Variants in PDCD6 observed in about 807,000 individuals in gnomAD.
The protein encoded by PDCD6 is programmed cell death protein 6.
A neutral mutation model predicts 28.3 loss-of-function variants in PDCD6; 12 were observed. The observed-to-expected ratio is 0.42, with a 90% confidence interval of 0.27 to 0.69. The LOEUF (loss-of-function observed/expected upper bound fraction) is 0.69. Among genes scored for constraint, PDCD6 ranks in the 30% least tolerant of loss-of-function variants. The pLI is 0.22. For missense variants in PDCD6, 226 were observed against 269.9 expected (o/e 0.84, Z 1.14); for synonymous variants, 92 against 108.0 (o/e 0.85, Z 0.92).
At chr5:275,957 G>A (rs1483771502) in intron 2 of PDCD6, 11 of 1,268,384 alleles carry the variant, frequency 8.7e-6, no homozygotes, top group Non-Finnish European at 1.1e-5. Flanking sequence ...AGATGCCCTT[G>A]TCCTCCACCC....
At position 297,615 on chromosome 5, in the gene PDCD6, G is replaced by A. The variant is rs200147879; in HGVS notation, c.164-6562G>A. On this transcript the variant is annotated intron_variant, in intron 2 of 5. Transcript: ENST00000264933. ...AAAGCAATCGAGGAATTCCACACTT[G>A]CTGGGGGCTTCCTTGCACCTGTGCC... Among the ~76,000 whole-genome samples, 67 of 152,284 alleles carry A rather than the reference G, an allele frequency of 4.4e-4. No individual in the cohort carries two copies. In the East Asian group the frequency reaches 0.012, roughly 26 times the overall value.
intron 2 of PDCD6, among the ~76,000 whole-genome samples, chr5:301,010 G>A (rs1275112527): frequency 1.3e-5 from 2 of 152,192 alleles, no homozygotes; most frequent in African/African-American, 2.4e-5. Flanking sequence ...TTAACATCTC[G>A]CTTGTGTTTT....
intron 2 of PDCD6, chr5:276,921 C>T (rs1287350843): frequency 1.0e-6 from 1 of 984,998 alleles, no homozygotes; most frequent in Non-Finnish European, 1.2e-6. Flanking sequence ...CTTCTTTTTG[C>T]AATAAAATGT....
chr5:300,752 G>A (rs1487249158), intron 2 of PDCD6, among the ~76,000 whole-genome samples: 1 of 152,234 alleles, frequency 6.6e-6, no homozygotes, highest in Non-Finnish European at 1.5e-5. Context: ...GGCAAGGAAG[G>A]CGAGTGGAGA....
chr5:306,368 G>A, intron 3 of PDCD6: 1 of 484,688 alleles, frequency 2.1e-6, no homozygotes, highest in Non-Finnish European at 3.8e-6. Context: ...ACCTTCTCCT[G>A]GGACTTAGGG....
intron 4 of PDCD6, 124 bp from the exon 5 acceptor site, chr5:311,169 C>G (rs1211512824): frequency 1.4e-6 from 1 of 729,552 alleles, no homozygotes; most frequent in Non-Finnish European, 2.4e-6. Context: ...ATTTGCACTT[C>G]CGTTCCCACA....
intron 2 of PDCD6, among the ~76,000 whole-genome samples, chr5:277,549 C>T (rs193094603): frequency 3.8e-4 from 58 of 152,080 alleles, no homozygotes; most frequent in Admixed American, 8.5e-4. Context: ...GATCCACCCG[C>T]CTCAGCCTCC....
chr5:294,457 C>T (rs568776963), intron 2 of PDCD6, among the ~76,000 whole-genome samples: 192 of 152,346 alleles, frequency 1.3e-3, no homozygotes, highest in African/African-American at 4.2e-3. Flanking sequence ...AGAGGCTCAA[C>T]GTCGTAGAGA....
At chr5:277,786 G>A (rs1328261166) in intron 2 of PDCD6, among the ~76,000 whole-genome samples, 5 of 151,820 alleles carry the variant, frequency 3.3e-5, no homozygotes, top group Non-Finnish European at 7.4e-5. Context: ...ATGGTGGTGC[G>A]CGCCTATAAT....
chr5:272,194 A>G (rs1737865729), intron 1 of PDCD6, among the ~76,000 whole-genome samples: 1 of 147,684 alleles, frequency 6.8e-6, no homozygotes, highest in Non-Finnish European at 1.5e-5. Flanking sequence ...TCTCGCCTCA[A>G]GAGCCGCCAG....
chr5:290,504 G>A (rs1300918619), intron 2 of PDCD6, among the ~76,000 whole-genome samples: 1 of 152,126 alleles, frequency 6.6e-6, no homozygotes, highest in African/African-American at 2.4e-5. Context: ...CCAACAGAGC[G>A]AGCATCTCCC....
chr5:283,454 C>T (rs78390257), intron 2 of PDCD6, among the ~76,000 whole-genome samples: 1,777 of 121,030 alleles, frequency 0.015, no homozygotes, highest in African/African-American at 0.05. Context: ...AGCTGCAGAC[C>T]CAGAGAGGAG....
chr5:298,326 C>A (rs1383748779), intron 2 of PDCD6, among the ~76,000 whole-genome samples: 1 of 151,956 alleles, frequency 6.6e-6, no homozygotes, highest in Non-Finnish European at 1.5e-5. Context: ...CTTCACGGTA[C>A]CAGGACCACC....
intron 2 of PDCD6, among the ~76,000 whole-genome samples, chr5:297,583 C>G (rs1739698038): frequency 6.6e-6 from 1 of 152,186 alleles, no homozygotes; most frequent in Non-Finnish European, 1.5e-5. Context: ...GAAACCATCA[C>G]CAAATCAAAG....
intron 2 of PDCD6, among the ~76,000 whole-genome samples, chr5:280,755 G>GA (rs1738513802): frequency 6.7e-6 from 1 of 149,868 alleles, no homozygotes; most frequent in Admixed American, 6.6e-5. Flanking sequence ...TTTAAGAGGG[G>GA]AGTCCATAGA....
At chr5:274,325 T>C (rs1003884318) in intron 2 of PDCD6, among the ~76,000 whole-genome samples, 8 of 152,266 alleles carry the variant, frequency 5.3e-5, no homozygotes, top group African/African-American at 1.9e-4. Context: ...TTAGGTTTTC[T>C]GTTAAACTTG....
chr5:275,637 C>T (rs1335173324), intron 2 of PDCD6, among the ~76,000 whole-genome samples: 8 of 152,128 alleles, frequency 5.3e-5, no homozygotes, highest in Non-Finnish European at 7.3e-5. Context: ...TTTGCTGTAC[C>T]GTGAGTGTCT....
At chr5:272,200 G>T (rs1737866589) in intron 1 of PDCD6, among the ~76,000 whole-genome samples, 2 of 145,884 alleles carry the variant, frequency 1.4e-5, no homozygotes, top group Admixed American at 6.7e-5. Flanking sequence ...CTCAAGAGCC[G>T]CCAGGTGGAG....
chr5:299,780 A>G (rs939220899), intron 2 of PDCD6, among the ~76,000 whole-genome samples: 7 of 151,830 alleles, frequency 4.6e-5, no homozygotes, highest in African/African-American at 1.5e-4. Context: ...CGATCTCCTC[A>G]CCTGGTGATC....
Sources: allele counts gnomAD v4.1 joint callset (sites outside exome capture counted in the v4.1 genomes callset), GRCh38; gene constraint gnomAD v4.1.1; transcripts MANE v1.5; gene names NCBI Gene and HGNC (gene_info 2026-07-23, HGNC 2026-07-21).